LRP1B: variants seen among roughly 807,000 people sequenced by gnomAD.
The protein encoded by LRP1B is LDL receptor related protein 1B.
LRP1B carries 217 observed loss-of-function variants against 556.6 expected under a neutral mutation model. The observed-to-expected ratio is 0.39, with a 90% confidence interval of 0.35 to 0.44. LRP1B has a LOEUF of 0.44. Among genes scored for constraint, LRP1B ranks in the 20% least tolerant of loss-of-function variants. LRP1B has a pLI of 1.00. For synonymous variants in LRP1B, 2,047 were observed against 1,865.8 expected (o/e 1.10, Z -2.50); for missense variants, 5,053 against 5,620.8 (o/e 0.90, Z 3.23).
intron 2 of LRP1B, among the ~76,000 whole-genome samples, chr2:141,697,340 C>G (rs1022972088): frequency 6.6e-6 from 1 of 151,732 alleles, no homozygotes; most frequent in South Asian, 2.1e-4. Context: ...AGTAAGTCAC[C>G]GAATCAGTAC....
chr2:141,637,679 T>C (rs1315595932), intron 2 of LRP1B, among the ~76,000 whole-genome samples: 2 of 152,212 alleles, frequency 1.3e-5, no homozygotes, highest in African/African-American at 4.8e-5. Context: ...CCAGTGGGCA[T>C]TAAGCGGATT....
At chr2:141,955,071 A>G (rs762125463) in intron 1 of LRP1B, among the ~76,000 whole-genome samples, 2 of 152,166 alleles carry the variant, frequency 1.3e-5, no homozygotes, top group African/African-American at 4.8e-5. Flanking sequence ...GATATTTGCA[A>G]CTAACACAGC....
At position 140,896,427 on chromosome 2, in the gene LRP1B, A is replaced by T. The variant is rs548150082; in HGVS notation, c.3766+6493T>A. Among the ~76,000 whole-genome samples the T allele has an allele frequency of 4.6e-5, 7 of 152,310 alleles. No homozygotes were observed. The East Asian group carries it at 1.4e-3, about 29-fold the overall frequency. ...AAGGGAAGAGTGTAGAGAAATAAAA[A>T]AAAGATGAGAGAACTACGGAGGAAA... On this transcript the variant is annotated intron_variant, in intron 23 of 90. Transcript: ENST00000389484.
intron 2 of LRP1B, among the ~76,000 whole-genome samples, chr2:141,531,433 G>A (rs536313331): frequency 6.6e-6 from 1 of 152,072 alleles, no homozygotes; most frequent in South Asian, 2.1e-4. Flanking sequence ...TATTACTACA[G>A]GCTAAATAGC....
intron 7 of LRP1B, 31 bp from the exon 8 acceptor site, chr2:141,062,304 A>T (rs2105469073): frequency 3.2e-5 from 46 of 1,415,730 alleles, no homozygotes; most frequent in Non-Finnish European, 4.0e-5. Context: ...GTTAAAGTGG[A>T]GGGTGGGGGA....
intron 3 of LRP1B, among the ~76,000 whole-genome samples, chr2:141,441,774 A>G (rs1680984033): frequency 6.6e-6 from 1 of 152,154 alleles, no homozygotes; most frequent in Admixed American, 6.5e-5. Context: ...AACCAGGAAC[A>G]TTGAACGCTA....
chr2:141,947,956 G>T (rs2105027959), intron 1 of LRP1B, among the ~76,000 whole-genome samples: 1 of 152,124 alleles, frequency 6.6e-6, no homozygotes, highest in South Asian at 2.1e-4. Flanking sequence ...TGTGATCCTT[G>T]TCAAGACACT....
chr2:140,330,228 A>C (rs1414871256), intron 79 of LRP1B, among the ~76,000 whole-genome samples: 2 of 135,046 alleles, frequency 1.5e-5, no homozygotes, highest in African/African-American at 2.8e-5. Context: ...AATAATAATA[A>C]TAATAATAAT....
At chr2:141,026,077 G>A (rs927890405) in intron 11 of LRP1B, among the ~76,000 whole-genome samples, 1 of 151,968 alleles carries the variant, frequency 6.6e-6, no homozygotes, top group African/African-American at 2.4e-5. Context: ...CCTATCAAGA[G>A]AAAACAAAGC....
intron 43 of LRP1B, among the ~76,000 whole-genome samples, chr2:140,556,475 C>T (rs1340135899): frequency 6.6e-6 from 1 of 152,076 alleles, no homozygotes; most frequent in Non-Finnish European, 1.5e-5. Flanking sequence ...TACCCCACAA[C>T]TATCCACTTC....
chr2:141,491,432 G>A (rs1445097702), intron 2 of LRP1B, among the ~76,000 whole-genome samples: 2 of 152,148 alleles, frequency 1.3e-5, no homozygotes, highest in East Asian at 1.9e-4. Context: ...TAGAAGATAA[G>A]TATTTCATCT....
chr2:140,647,694 A>G (rs1279638441), intron 41 of LRP1B, among the ~76,000 whole-genome samples: 1 of 152,220 alleles, frequency 6.6e-6, no homozygotes, highest in African/African-American at 2.4e-5. Context: ...ATTTTTGCTC[A>G]TCATCACAGG....
At chr2:141,462,016 T>C (rs1036780971) in intron 3 of LRP1B, among the ~76,000 whole-genome samples, 1 of 152,240 alleles carries the variant, frequency 6.6e-6, no homozygotes, top group African/African-American at 2.4e-5. Flanking sequence ...GCCTTTTGGC[T>C]GTTAACTTCA....
At chr2:141,693,061 C>T (rs999418765) in intron 2 of LRP1B, among the ~76,000 whole-genome samples, 3 of 152,018 alleles carry the variant, frequency 2.0e-5, no homozygotes, top group Non-Finnish European at 2.9e-5. Context: ...CTTCTAAGTA[C>T]AGGGAACTTT....
At chr2:140,436,538 C>A (rs979676969) in intron 66 of LRP1B, among the ~76,000 whole-genome samples, 1 of 151,548 alleles carries the variant, frequency 6.6e-6, no homozygotes, top group African/African-American at 2.4e-5. Flanking sequence ...GTATGGAATG[C>A]CGAGAAGTGG....
At chr2:140,377,600 T>C (rs532242503) in intron 68 of LRP1B, among the ~76,000 whole-genome samples, 67 of 152,290 alleles carry the variant, frequency 4.4e-4, no homozygotes, top group African/African-American at 1.6e-3. Context: ...ACAAATTGTA[T>C]GAAGTATTAT....
intron 7 of LRP1B, among the ~76,000 whole-genome samples, chr2:141,151,374 T>C (rs867496491): frequency 3.9e-5 from 6 of 152,240 alleles, no homozygotes; most frequent in Admixed American, 3.9e-4. Flanking sequence ...GCATATCTAA[T>C]ACCCAAGAAA....
chr2:142,003,455 A>G (rs1439750619), intron 1 of LRP1B, among the ~76,000 whole-genome samples: 1 of 152,296 alleles, frequency 6.6e-6, no homozygotes, highest in Non-Finnish European at 1.5e-5. Context: ...TTCAGTGGAC[A>G]TAGCTCTATT....
At chr2:141,438,302 G>T (rs1280546229) in intron 3 of LRP1B, among the ~76,000 whole-genome samples, 2 of 151,980 alleles carry the variant, frequency 1.3e-5, no homozygotes, top group African/African-American at 4.8e-5. Flanking sequence ...TGTGTGTAAT[G>T]TGTGTGTGTT....
Sources: allele counts gnomAD v4.1 joint callset (sites outside exome capture counted in the v4.1 genomes callset), GRCh38; gene constraint gnomAD v4.1.1; transcripts MANE v1.5; gene names NCBI Gene and HGNC (gene_info 2026-07-23, HGNC 2026-07-21).